Variants in MEGF8 observed in about 807,000 individuals in gnomAD.
MEGF8 encodes the protein multiple EGF like domains 8.
MEGF8 carries 156 observed loss-of-function variants against 302.9 expected under a neutral mutation model. The observed-to-expected ratio is 0.52, with a 90% CI of 0.45 to 0.59. The LOEUF is 0.59. Among genes scored for constraint, MEGF8 ranks in the 20% least tolerant of loss-of-function variants. MEGF8 has a pLI of 0.00. For missense variants in MEGF8, 3,345 were observed against 3,964.5 expected, an observed-to-expected ratio of 0.84 and a Z score of 4.20; for synonymous variants, 1,621 against 1,660.5, an observed-to-expected ratio of 0.98 and a Z score of 0.58.
rs376424675 is a variant in MEGF8, at chr19:42,365,715, T to C, written c.6273+2453T>C. Among the ~76,000 whole-genome samples, 138 of 137,026 alleles carry C rather than the reference T, an allele frequency of 1.0e-3. 3 individuals carry two copies. The East Asian group carries it at 0.024, about 23-fold the overall frequency. 89.9% of individuals were successfully genotyped at this position (137,026 alleles called of 152,430 possible). A position where few individuals can be genotyped will look rare whatever the true frequency, so the allele number is the denominator to read the frequency against. ...TGTGTCTGGGAGGTTGAGACTGCAG[T>C]GAGCCATTATTACAGCACTGCACTC... On this transcript the variant is annotated intron_variant, in intron 35 of 41. Transcript: ENST00000251268.
chr19:42,358,305 A>G lies in MEGF8; in HGVS notation c.5173A>G (p.Lys1725Glu). 2 of 1,599,918 alleles carry G rather than the reference A, an allele frequency of 1.3e-6. No individual in the cohort carries two copies. The highest frequency in any genetic ancestry group is 1.7e-6 in the Non-Finnish European group (2 of 1,173,608). Residue 1725 changes from lysine to glutamate, a missense_variant and splice_region_variant, in exon 29 of 42, where the codon AAG becomes GAG. Coordinates refer to ENST00000251268, the MANE Select transcript of MEGF8 (RefSeq NM_001271938.2). The surrounding 1 kb of genome is among the most constrained non-coding windows in gnomAD (Gnocchi z 4.4). ...TCTGCTGGCCCCTTCTCAGGGGGCAAAGGTCAGGAAAAGAGGCTCAGACCC... is the reference window on the plus strand; with the variant it reads ...TCTGCTGGCCCCTTCTCAGGGGGCAGAGGTCAGGAAAAGAGGCTCAGACCC... ...WSLLAPSQGA[K>E]RDRMRNVRGS...
chr19:42,332,373 G>T (rs1426820566), intron 1 of MEGF8, among the ~76,000 whole-genome samples: 1 of 147,102 alleles, frequency 6.8e-6, no homozygotes, highest in African/African-American at 2.5e-5. Flanking sequence ...GCTTTTCTTT[G>T]TTTTTTTTTT....
At chr19:42,337,032 TC>T in intron 7 of MEGF8, 51 bp from the exon 8 acceptor site, 1 of 1,611,958 alleles carries the variant, frequency 6.2e-7, no homozygotes. Context: ...TGCAGGGGAG[TC>T]CCCCCACCTC....
chr19:42,358,647 G>A lies in MEGF8; in HGVS notation c.5176-140G>A, dbSNP rs2039486603. The A allele has an allele frequency of 2.0e-6, 2 of 1,016,474 alleles. No homozygotes were observed. Among genetic ancestry groups the A allele is most frequent in the Admixed American group, 3.1e-5 (1 of 32,358 alleles). 63.0% of individuals were successfully genotyped at this position (1,016,474 alleles called of 1,614,324 possible). A position where few individuals can be genotyped will look rare whatever the true frequency, so the allele number is the denominator to read the frequency against. ...TCAAGGCCAAGGAGAATGTGTGTGG[G>A]AGGGCAGGGAGCCCTGTCTGCACTG... is the stretch of plus-strand genomic sequence containing the variant. On this transcript the variant is annotated intron_variant, in intron 29 of 41. Coordinates refer to ENST00000251268, the MANE Select transcript of MEGF8 (RefSeq NM_001271938.2). The surrounding 1 kb of genome is among the most constrained non-coding windows in gnomAD (Gnocchi z 4.4).
intron 5 of MEGF8, 84 bp from the exon 6 acceptor site, chr19:42,335,847 C>T: frequency 7.7e-7 from 1 of 1,295,024 alleles, no homozygotes; most frequent in South Asian, 1.6e-5. Context: ...CTCCATGTTT[C>T]TCTGGCTCTG....
chr19:42,368,434 CAT>C lies in MEGF8; in HGVS notation c.6274-20_6274-19del. 6 of 1,557,390 alleles carry C rather than the reference CAT, an allele frequency of 3.9e-6. No homozygotes were observed. Among genetic ancestry groups the C allele is most frequent in the South Asian group, 1.2e-5 (1 of 84,958 alleles). ...CCCATCTCTCTCTTCCCTGCATCCC[CAT>C]CCCCTCCCCCCCATACAGTGTCTGA... On this transcript the variant is annotated intron_variant, in intron 35 of 41. Coordinates refer to ENST00000251268, the MANE Select transcript of MEGF8 (RefSeq NM_001271938.2). This position sits in a 1 kb window ranked among gnomAD's most constrained non-coding sequence, Gnocchi z 4.9.
chr19:42,340,396 A>C (rs1252759120), intron 8 of MEGF8, among the ~76,000 whole-genome samples: 4 of 151,940 alleles, frequency 2.6e-5, no homozygotes, highest in African/African-American at 7.2e-5. Flanking sequence ...CACCCGGCTA[A>C]TTTTTGTATT....
Position 42,358,464 on chromosome 19 carries a change from C to A in MEGF8, c.5175+157C>A, listed in dbSNP as rs1294497159. On this transcript the variant is annotated intron_variant, in intron 29 of 41. Coordinates refer to ENST00000251268, the MANE Select transcript of MEGF8 (RefSeq NM_001271938.2). This position sits in a 1 kb window ranked among gnomAD's most constrained non-coding sequence, Gnocchi z 4.4. ...ACCCCCACATCTCCCCCGCTTCCAT[C>A]CCTGATTTGGAGGAGAGAACCCGAG... Among the ~76,000 whole-genome samples, 1 of 152,202 alleles carries A rather than the reference C, an allele frequency of 6.6e-6. No individual in the cohort carries two copies. The highest frequency in any genetic ancestry group is 1.5e-5 in the Non-Finnish European group (1 of 68,032).
In MEGF8 at chr19:42,358,564, C is replaced by T. The variant is rs1053653479; in HGVS notation, c.5176-223C>T. On this transcript the variant is annotated intron_variant, in intron 29 of 41. Transcript: ENST00000251268. This position sits in a 1 kb window ranked among gnomAD's most constrained non-coding sequence, Gnocchi z 4.4. ...GTGCGGCCCTGGCAGGCCCCTTCCCCGTCCTGGGTTTTTCCACTCGTATAA... is the reference window on the plus strand; with the variant it reads ...GTGCGGCCCTGGCAGGCCCCTTCCCTGTCCTGGGTTTTTCCACTCGTATAA... Among the ~76,000 whole-genome samples the T allele has an allele frequency of 5.3e-5, 8 of 152,200 alleles. No homozygotes were observed. Among genetic ancestry groups the T allele is most frequent in the African/African-American group, 1.4e-4 (6 of 41,434 alleles).
At position 42,349,669 on chromosome 19, in the gene MEGF8, G is replaced by A. The variant is rs773553559; in HGVS notation, c.2469G>A (p.Leu823=). The change falls in exon 14 of 42, where the codon CTG becomes CTA. Residue 823 remains leucine, a synonymous_variant. Transcript: ENST00000251268. ...CTGGGCACAGCGAGCTAACTCTGCT[G>A]TGGGATCGGACTGGTGTGCCAGGAG... ...AGPGHSELTL[L]WDRTGVPGGS... is the part of the protein sequence containing the mutation. The A allele has an allele frequency of 1.2e-6, 2 of 1,612,186 alleles. No homozygotes were observed. Among genetic ancestry groups the A allele is most frequent in the South Asian group, 1.1e-5 (1 of 91,086 alleles).
intron 13 of MEGF8, among the ~76,000 whole-genome samples, 196 bp downstream of exon 13, chr19:42,348,668 C>T (rs555426998): frequency 2.0e-5 from 3 of 152,158 alleles, no homozygotes; most frequent in South Asian, 4.1e-4. Context: ...GGCGCGATCT[C>T]GGCTCACTGC....
At position 42,351,884 on chromosome 19, in the gene MEGF8, G is replaced by A. The variant is rs887388393; in HGVS notation, c.3101+123G>A. ...ATCCCATGGCCACCTTCCCTTTTCCGTACTGTTTTTCTGTTGTTTATTTTA... is the reference window on the plus strand; with the variant it reads ...ATCCCATGGCCACCTTCCCTTTTCCATACTGTTTTTCTGTTGTTTATTTTA... On this transcript the variant is annotated intron_variant, in intron 18 of 41. Coordinates refer to ENST00000251268, the MANE Select transcript of MEGF8 (RefSeq NM_001271938.2). The surrounding 1 kb of genome is among the most constrained non-coding windows in gnomAD (Gnocchi z 5.6). 1.3e-5 allele frequency: 11 copies of A among 830,042 alleles called. No homozygotes were observed. Among genetic ancestry groups the A allele is most frequent in the South Asian group, 5.1e-5 (3 of 58,414 alleles). 51.4% of individuals were successfully genotyped at this position (830,042 alleles called of 1,614,324 possible). A position where few individuals can be genotyped will look rare whatever the true frequency, so the allele number is the denominator to read the frequency against.
Position 42,356,116 on chromosome 19 carries a change from G to T in MEGF8, c.4426G>T (p.Gly1476Trp), listed in dbSNP as rs747079911. 1.5e-5 allele frequency: 23 copies of T among 1,584,420 alleles called. No homozygotes were observed. Among genetic ancestry groups the T allele is most frequent in the Non-Finnish European group, 1.9e-5 (22 of 1,163,576 alleles). Residue 1476 changes from glycine to tryptophan, a missense_variant, in exon 25 of 42, where the codon GGG (glycine) becomes TGG (tryptophan). Transcript: ENST00000251268. This position sits in a 1 kb window ranked among gnomAD's most constrained non-coding sequence, Gnocchi z 5.2. ...TGTGTGCATCTGTGCCGAGGGCTTC[G>T]GGGGCCCCGACTGCGCCACCAAGCT... ...LGVCICAEGF[G>W]GPDCATKLDG...
At chr19:42,335,849 C>T (rs1380086871) in intron 5 of MEGF8, 82 bp from the exon 6 acceptor site, 17 of 1,305,550 alleles carry the variant, frequency 1.3e-5, no homozygotes, top group Non-Finnish European at 1.7e-5. Context: ...CCATGTTTCT[C>T]TGGCTCTGCA....
At position 42,376,202 on chromosome 19, in the gene MEGF8, C is replaced by T. The variant is rs1366884257; in HGVS notation, c.7965C>T (p.Phe2655=). Residue 2655 remains phenylalanine (F), a synonymous_variant, in exon 42 of 42, where the codon TTC becomes TTT. Coordinates refer to ENST00000251268, the MANE Select transcript of MEGF8 (RefSeq NM_001271938.2). This position sits in a 1 kb window ranked among gnomAD's most constrained non-coding sequence, Gnocchi z 8.2. ...HIDLFVFFSV[F]FSCFFLFLSL... is the part of the protein sequence containing the mutation. ...ACCTGTTTGTCTTCTTCTCCGTCTTCTTCTCCTGCTTCTTCCTCTTCCTCT... is the reference window on the plus strand; with the variant it reads ...ACCTGTTTGTCTTCTTCTCCGTCTTTTTCTCCTGCTTCTTCCTCTTCCTCT... The T allele has an allele frequency of 1.9e-6, 3 of 1,603,958 alleles. No individual in the cohort carries two copies. The highest frequency in any genetic ancestry group is 2.6e-6 in the Non-Finnish European group (3 of 1,175,492).
chr19:42,334,179 C>T lies in MEGF8; in HGVS notation c.524C>T (p.Ser175Leu). ...CCTGACTGTGGCCTGCAGGAGTGCT[C>T]AGCCTACTGTGGCAGCCACGGCACC... ...GGPDCGLQEC[S>L]AYCGSHGTCA... Residue 175 changes from serine (S) to leucine (L), a missense_variant, in exon 3 of 42, where the codon TCA (serine) becomes TTA (leucine). Transcript: ENST00000251268. The T allele has an allele frequency of 1.2e-6, 2 of 1,608,840 alleles. No individual in the cohort carries two copies. Among genetic ancestry groups the T allele is most frequent in the Non-Finnish European group, 1.7e-6 (2 of 1,178,124 alleles).
In MEGF8 at chr19:42,347,558, T is replaced by C. The variant is rs1246023622; in HGVS notation, c.2098-714T>C. ...CACAGGCTGGAGTGCAATGGCGCAATCTCGGCTCAGTGCAACCTCTGCCTC... is the reference window on the plus strand; with the variant it reads ...CACAGGCTGGAGTGCAATGGCGCAACCTCGGCTCAGTGCAACCTCTGCCTC... On this transcript the variant is annotated intron_variant, in intron 12 of 41. Transcript: ENST00000251268. 2.6e-5 allele frequency among the ~76,000 whole-genome samples: 4 copies of C among 152,102 alleles called. No homozygotes were observed. In the East Asian group the frequency reaches 7.7e-4, roughly 29 times the overall value.
chr19:42,370,704 GA>G lies in MEGF8; in HGVS notation c.7013del (p.Asn2338ThrfsTer3). The G allele has an allele frequency of 6.3e-7, 1 of 1,593,418 alleles. No individual in the cohort carries two copies. The highest frequency in any genetic ancestry group is 8.5e-7 in the Non-Finnish European group (1 of 1,170,064). Reference protein sequence around the residue: ...KKYSLDPEEIENWVTEGPSED... With the variant: ...KKYSLDPEEIXNWVTEGPSED... ...CACACTGTCCTTCCTTGGCCAGATTGAAAACTGGGTGACAGAGGGTCCTAGT... is the reference window on the plus strand; with the variant it reads ...CACACTGTCCTTCCTTGGCCAGATTGAAACTGGGTGACAGAGGGTCCTAGT... On this transcript the variant is annotated frameshift_variant, in exon 40 of 42. Transcript: ENST00000251268. LOFTEE classifies it high-confidence loss of function.
chr19:42,354,727 G>A lies in MEGF8; in HGVS notation c.4144+7G>A. ...ACTGTTCAGGCCCTGTCTGGTACGG[G>A]GGCTAGGGGAAGTGGGACCTCTTAG... On this transcript the variant is annotated splice_region_variant and intron_variant, in intron 23 of 41. Coordinates refer to ENST00000251268, the MANE Select transcript of MEGF8 (RefSeq NM_001271938.2). This position sits in a 1 kb window ranked among gnomAD's most constrained non-coding sequence, Gnocchi z 4.3. 1 of 1,594,388 alleles carries A rather than the reference G, an allele frequency of 6.3e-7. No homozygotes were observed. The highest frequency in any genetic ancestry group is 8.5e-7 in the Non-Finnish European group (1 of 1,171,630).
Sources: allele counts gnomAD v4.1 joint callset (sites outside exome capture counted in the v4.1 genomes callset), GRCh38; gene constraint gnomAD v4.1.1; non-coding constraint Gnocchi (gnomAD v3.1); transcripts MANE v1.5; gene names NCBI Gene and HGNC (gene_info 2026-07-23, HGNC 2026-07-21).